Variants in HS6ST3 observed in about 807,000 individuals in gnomAD.
HS6ST3 encodes the protein heparan sulfate 6-O-sulfotransferase 3.
A neutral mutation model predicts 36.7 loss-of-function variants in HS6ST3; 12 were observed. The observed-to-expected ratio is 0.33, with a 90% CI of 0.21 to 0.53. The LOEUF (loss-of-function observed/expected upper bound fraction) is 0.53, where lower values mean the gene tolerates loss of function less well. Ranked by LOEUF, HS6ST3 falls within the 20% of genes least tolerant of loss-of-function variation. The pLI, the probability that HS6ST3 is intolerant of heterozygous loss-of-function variation, is 0.95. For missense variants in HS6ST3, 584 were observed against 640.9 expected, an observed-to-expected ratio of 0.91 and a Z score of 0.96; for synonymous variants, 240 against 257.5, an observed-to-expected ratio of 0.93 and a Z score of 0.65.
At chr13:96,098,271 G>T (rs900563026) in intron 1 of HS6ST3, among the ~76,000 whole-genome samples, 3 of 152,170 alleles carry the variant, frequency 2.0e-5, no homozygotes, top group African/African-American at 7.2e-5. Context: ...TGTGAACTCT[G>T]ATGTAGGATG....
At chr13:96,565,408 G>C (rs1025807292) in intron 1 of HS6ST3, among the ~76,000 whole-genome samples, 1 of 152,088 alleles carries the variant, frequency 6.6e-6, no homozygotes, top group African/African-American at 2.4e-5. Context: ...GAACAGGACA[G>C]GTATCCCAAG....
intron 1 of HS6ST3, among the ~76,000 whole-genome samples, chr13:96,219,158 C>T (rs181336655): frequency 1.3e-4 from 20 of 152,284 alleles, no homozygotes; most frequent in Admixed American, 7.8e-4. Context: ...TTGCCTGGCT[C>T]ACAGATGATC....
intron 1 of HS6ST3, among the ~76,000 whole-genome samples, chr13:96,587,246 TA>T (rs1363902721): frequency 3.3e-5 from 5 of 152,208 alleles, no homozygotes; most frequent in East Asian, 1.9e-4. Flanking sequence ...TTTATTTATT[TA>T]TTTTTTTTGC....
At chr13:96,120,235 G>A (rs1250134673) in intron 1 of HS6ST3, among the ~76,000 whole-genome samples, 1 of 152,168 alleles carries the variant, frequency 6.6e-6, no homozygotes. Flanking sequence ...GGTTGCAGAG[G>A]GGCTGGGGCC....
Position 96,832,407 on chromosome 13 carries a change from A to G in HS6ST3, c.708-83A>G, listed in dbSNP as rs1735939782. 10 of 1,011,332 alleles carry G rather than the reference A, an allele frequency of 9.9e-6. No individual in the cohort carries two copies. In the South Asian group the frequency reaches 1.6e-4, roughly 16 times the overall value. 62.6% of individuals were successfully genotyped at this position (1,011,332 alleles called of 1,614,324 possible). A position where few individuals can be genotyped will look rare whatever the true frequency, so the allele number is the denominator to read the frequency against. ...CATTTGGCAAAGAGTCCCTTGACTC[A>G]ATGCCGATGTAAAATTATAAAAATT... On this transcript the variant is annotated intron_variant, in intron 1 of 1. Transcript: ENST00000376705.
chr13:96,324,704 A>G (rs537707091), intron 1 of HS6ST3, among the ~76,000 whole-genome samples: 2 of 152,212 alleles, frequency 1.3e-5, no homozygotes, highest in Non-Finnish European at 2.9e-5. Flanking sequence ...TTGAACACAG[A>G]GACACATACA....
At chr13:96,288,124 T>C (rs1309871505) in intron 1 of HS6ST3, among the ~76,000 whole-genome samples, 2 of 152,140 alleles carry the variant, frequency 1.3e-5, no homozygotes, top group Admixed American at 1.3e-4. Flanking sequence ...GGCCTGGAAA[T>C]CTGTTGTAAT....
intron 1 of HS6ST3, among the ~76,000 whole-genome samples, chr13:96,208,541 C>T (rs2054383306): frequency 6.6e-6 from 1 of 152,104 alleles, no homozygotes; most frequent in East Asian, 1.9e-4. Context: ...TTACTAATAC[C>T]AAGTATTTTA....
chr13:96,331,953 G>C (rs138241501), intron 1 of HS6ST3, among the ~76,000 whole-genome samples: 7 of 152,250 alleles, frequency 4.6e-5, no homozygotes, highest in African/African-American at 1.4e-4. Context: ...TCCAGGTGCC[G>C]TCAGTCACCC....
intron 1 of HS6ST3, among the ~76,000 whole-genome samples, chr13:96,751,477 T>A (rs1876699479): frequency 6.6e-6 from 1 of 152,134 alleles, no homozygotes; most frequent in Non-Finnish European, 1.5e-5. Context: ...GCAAACTCAA[T>A]ACCATCTTTA....
chr13:96,829,183 G>A (rs1878714845), intron 1 of HS6ST3, among the ~76,000 whole-genome samples: 1 of 152,140 alleles, frequency 6.6e-6, no homozygotes, highest in African/African-American at 2.4e-5. Flanking sequence ...TTTTCAGAGT[G>A]TGGTGGCAAA....
At chr13:96,535,871 G>A (rs939746805) in intron 1 of HS6ST3, among the ~76,000 whole-genome samples, 3 of 152,180 alleles carry the variant, frequency 2.0e-5, no homozygotes, top group African/African-American at 4.8e-5. Flanking sequence ...ATGCCAGCAA[G>A]AGGGAAAGGC....
In HS6ST3 at chr13:96,665,759, G is replaced by A. The variant is rs544238662; in HGVS notation, c.708-166731G>A. ...TAATAGAACCCATCTGAAGATCCCA[G>A]AGTACAATGGACTCTTATTATCCTA... On this transcript the variant is annotated intron_variant, in intron 1 of 1. Transcript: ENST00000376705. Among the ~76,000 whole-genome samples the A allele has an allele frequency of 2.0e-5, 3 of 152,248 alleles. 1 individual carries two copies. Among genetic ancestry groups the A allele is most frequent in the African/African-American group, 7.2e-5 (3 of 41,540 alleles).
At chr13:96,207,003 A>C (rs1022892006) in intron 1 of HS6ST3, among the ~76,000 whole-genome samples, 1 of 152,200 alleles carries the variant, frequency 6.6e-6, no homozygotes, top group African/African-American at 2.4e-5. Flanking sequence ...CAAATAAACT[A>C]TAATGAGAGT....
intron 1 of HS6ST3, among the ~76,000 whole-genome samples, chr13:96,700,367 A>G (rs1288367897): frequency 1.3e-5 from 2 of 152,050 alleles, no homozygotes; most frequent in Admixed American, 6.6e-5. Flanking sequence ...CCATGATCCA[A>G]TTATCTCCCA....
At chr13:96,262,794 G>A (rs909611651) in intron 1 of HS6ST3, among the ~76,000 whole-genome samples, 1 of 151,886 alleles carries the variant, frequency 6.6e-6, no homozygotes, top group African/African-American at 2.4e-5. Flanking sequence ...TCAAAATAGG[G>A]CATACGATAT....
At chr13:96,703,273 T>C (rs539380856) in intron 1 of HS6ST3, among the ~76,000 whole-genome samples, 2 of 152,328 alleles carry the variant, frequency 1.3e-5, no homozygotes, top group East Asian at 3.9e-4. Context: ...TGCCCATCAT[T>C]GATGCTTTTA....
chr13:96,743,536 G>A (rs377309876), intron 1 of HS6ST3, among the ~76,000 whole-genome samples: 20 of 152,160 alleles, frequency 1.3e-4, no homozygotes, highest in East Asian at 7.7e-4. Context: ...ATCCCATAAT[G>A]ACAGTAGAAA....
intron 1 of HS6ST3, among the ~76,000 whole-genome samples, chr13:96,686,015 G>A (rs1289569339): frequency 1.3e-5 from 2 of 151,968 alleles, no homozygotes; most frequent in East Asian, 1.9e-4. Context: ...TTTTTGGAGT[G>A]TACAACTTTA....
Sources: gnomAD v4.1 joint callset for allele counts (sites outside exome capture counted in the v4.1 genomes callset) on GRCh38, gnomAD v4.1.1 for gene constraint, MANE v1.5 for transcripts, NCBI Gene and HGNC (gene_info 2026-07-23, HGNC 2026-07-21) for gene names.